PTGER3: variants seen among roughly 807,000 people sequenced by gnomAD.
The protein encoded by PTGER3 is prostaglandin E2 receptor EP3 subtype.
Under a neutral mutation model 34.7 loss-of-function variants are expected in PTGER3, and 22 were observed. That is an observed-to-expected ratio of 0.63 (90% CI 0.45 to 0.91). The LOEUF is 0.91. PTGER3 is among the 40% of genes least tolerant of loss of function. PTGER3 has a pLI of 0.00. For synonymous variants in PTGER3, 241 were observed against 230.1 expected, an observed-to-expected ratio of 1.05 and a Z score of -0.43; for missense variants, 468 against 519.4, an observed-to-expected ratio of 0.90 and a Z score of 0.96.
At chr1:70,898,081 T>C (rs1646760716) in intron 4 of PTGER3, among the ~76,000 whole-genome samples, 1 of 152,120 alleles carries the variant, frequency 6.6e-6, no homozygotes, top group Non-Finnish European at 1.5e-5. Flanking sequence ...ATAGTGTGTA[T>C]TTAGTGTCTC....
At chr1:70,995,290 A>C (rs1363541733) in intron 2 of PTGER3, among the ~76,000 whole-genome samples, 1 of 152,188 alleles carries the variant, frequency 6.6e-6, no homozygotes, top group African/African-American at 2.4e-5. Context: ...CAGTGTTGCC[A>C]GAAAAAAATT....
At chr1:71,006,306 T>C (rs528171497) in intron 2 of PTGER3, 29 of 985,432 alleles carry the variant, frequency 2.9e-5, no homozygotes, top group Non-Finnish European at 3.3e-5. Flanking sequence ...TTAATGAGCT[T>C]GACTTTGCAG....
chr1:70,854,722 TGTGAG>T (rs1645762827), intron 4 of PTGER3, among the ~76,000 whole-genome samples: 5 of 152,226 alleles, frequency 3.3e-5, no homozygotes, highest in African/African-American at 1.2e-4. Flanking sequence ...CCTAGGGAAC[TGTGAG>T]TCAAACCTCT....
intron 4 of PTGER3, among the ~76,000 whole-genome samples, chr1:70,902,022 G>A (rs1025989434): frequency 3.9e-5 from 6 of 151,936 alleles, no homozygotes; most frequent in African/African-American, 9.7e-5. Flanking sequence ...GATGATATCC[G>A]AAATATCAGT....
intron 2 of PTGER3, among the ~76,000 whole-genome samples, chr1:70,994,124 C>A (rs539935452): frequency 1.3e-5 from 2 of 152,166 alleles, no homozygotes; most frequent in African/African-American, 4.8e-5. Context: ...CTAGCCTGGC[C>A]GCTCACCTCT....
chr1:71,046,133 A>T (rs1235056405), intron 1 of PTGER3, among the ~76,000 whole-genome samples: 1 of 151,552 alleles, frequency 6.6e-6, no homozygotes, highest in Non-Finnish European at 1.5e-5. Flanking sequence ...TAAAAAAAAA[A>T]AATTAGCCGG....
intron 4 of PTGER3, among the ~76,000 whole-genome samples, chr1:70,906,696 T>C (rs570105266): frequency 6.6e-6 from 1 of 152,290 alleles, no homozygotes; most frequent in South Asian, 2.1e-4. Context: ...AAAAGTGGGA[T>C]AGTAAGTTCA....
chr1:70,997,044 G>A (rs1412244735), intron 2 of PTGER3: 1 of 152,212 alleles, frequency 6.6e-6, no homozygotes, highest in Non-Finnish European at 1.5e-5. Flanking sequence ...AGCCGAGGAG[G>A]ACAGATCAAT....
chr1:70,929,827 G>A (rs1349883918), intron 4 of PTGER3, among the ~76,000 whole-genome samples: 2 of 152,176 alleles, frequency 1.3e-5, no homozygotes, highest in African/African-American at 4.8e-5. Flanking sequence ...GAGTTAAACG[G>A]AAATGAAATA....
At chr1:70,981,320 CTTCTTTCTTTCTTTCT>C (rs57513190) in intron 2 of PTGER3, among the ~76,000 whole-genome samples, 714 of 71,042 alleles carry the variant, frequency 0.01, 13 homozygotes, top group African/African-American at 0.034. Context: ...TCCTTCCTTT[CTTCTTTCTTTCTTTCT>C]TTCTTTCTTT....
intron 4 of PTGER3, among the ~76,000 whole-genome samples, chr1:70,866,594 C>A (rs1385545671): frequency 6.6e-6 from 1 of 152,110 alleles, no homozygotes; most frequent in Non-Finnish European, 1.5e-5. Flanking sequence ...ATTGAAAGAC[C>A]AATGTCTTGA....
At chr1:70,883,629 GTTA>G (rs1007462888) in intron 4 of PTGER3, among the ~76,000 whole-genome samples, 1 of 152,160 alleles carries the variant, frequency 6.6e-6, no homozygotes, top group Non-Finnish European at 1.5e-5. Flanking sequence ...ATGTTGACCT[GTTA>G]TTATAAAACG....
intron 4 of PTGER3, chr1:70,865,623 C>A (rs1646024503): frequency 7.6e-7 from 1 of 1,317,146 alleles, no homozygotes; most frequent in Admixed American, 2.0e-5. Context: ...GAGCATGTTT[C>A]ATTAGAGATA....
chr1:71,033,749 A>G (rs963103927), intron 1 of PTGER3, among the ~76,000 whole-genome samples: 3 of 152,094 alleles, frequency 2.0e-5, no homozygotes, highest in East Asian at 1.9e-4. Flanking sequence ...AAATCGTCTT[A>G]AAGACAACAC....
At chr1:70,906,669 T>C (rs1646955196) in intron 4 of PTGER3, among the ~76,000 whole-genome samples, 1 of 152,198 alleles carries the variant, frequency 6.6e-6, no homozygotes, top group African/African-American at 2.4e-5. Context: ...GTTGTAAGGA[T>C]TGAATTAAAT....
intron 1 of PTGER3, among the ~76,000 whole-genome samples, chr1:71,032,877 C>T (rs566663486): frequency 1.3e-5 from 2 of 152,170 alleles, no homozygotes; most frequent in African/African-American, 2.4e-5. Context: ...AACCAGAACC[C>T]GTTTAGAAAG....
chr1:70,856,709 T>C (rs1645814688), intron 4 of PTGER3, among the ~76,000 whole-genome samples: 2 of 152,202 alleles, frequency 1.3e-5, no homozygotes, highest in South Asian at 4.1e-4. Context: ...TTTGAAATAG[T>C]TGTGGATTCA....
intron 1 of PTGER3, among the ~76,000 whole-genome samples, chr1:71,027,503 A>T (rs1430220262): frequency 6.6e-6 from 1 of 152,204 alleles, no homozygotes; most frequent in Non-Finnish European, 1.5e-5. Flanking sequence ...GTTTTGCAGG[A>T]ATTGGCAAAT....
rs545712267 is a variant in PTGER3, at chr1:70,889,643, T to C, written c.*24-36784A>G. On this transcript the variant is annotated intron_variant, in intron 4 of 4. Transcript: ENST00000370931. ...ATCATGATGACAATTGGACAATACA[T>C]CAATGTTCAGATTAGGTTTCTACAC... Among the ~76,000 whole-genome samples, 6 of 152,304 alleles carry C rather than the reference T, an allele frequency of 3.9e-5. No individual in the cohort carries two copies. The South Asian group carries it at 1.2e-3, about 32-fold the overall frequency.
Sources: gnomAD v4.1 joint callset for allele counts (sites outside exome capture counted in the v4.1 genomes callset) on GRCh38, gnomAD v4.1.1 for gene constraint, MANE v1.5 for transcripts, NCBI Gene and HGNC (gene_info 2026-07-23, HGNC 2026-07-21) for gene names.